The following VPS72 variants were observed in gnomAD, a reference collection of about 807,000 sequenced individuals.
VPS72 encodes vacuolar protein sorting-associated protein 72 homolog.
A neutral mutation model predicts 38.9 loss-of-function variants in VPS72; 27 were observed. The ratio of observed to expected loss-of-function variants is 0.69; its 90% confidence interval spans 0.51 to 0.96. The LOEUF (loss-of-function observed/expected upper bound fraction) is 0.96, where lower values mean the gene tolerates loss of function less well. Among genes scored for constraint, VPS72 ranks in the 40% least tolerant of loss-of-function variants. The pLI is 0.00. For synonymous variants in VPS72, 173 were observed against 186.3 expected (o/e 0.93, Z 0.58); for missense variants, 360 against 479.5 (o/e 0.75, Z 2.33).
intron 5 of VPS72, 61 bp from the exon 6 acceptor site, chr1:151,177,092 AAG>A (rs763973310): frequency 6.8e-7 from 1 of 1,479,110 alleles, no homozygotes; most frequent in Non-Finnish European, 9.0e-7. Context: ...CAGATACAGA[AAG>A]AAGGAAATCA....
chr1:151,186,121 G>C (rs1048252006), intron 1 of VPS72, among the ~76,000 whole-genome samples, 171 bp from the exon 2 acceptor site: 16 of 152,126 alleles, frequency 1.1e-4, no homozygotes, highest in Admixed American at 7.9e-4. Context: ...TTTGGCTCCA[G>C]TACCACCTCC....
chr1:151,179,179 G>A (rs587716229), intron 4 of VPS72, among the ~76,000 whole-genome samples: 1 of 152,280 alleles, frequency 6.6e-6, no homozygotes, highest in East Asian at 1.9e-4. Context: ...CTACTTGGGA[G>A]GCTGAGACAG....
chr1:151,185,527 GT>G lies in VPS72; in HGVS notation c.363del (p.Glu121AspfsTer47). On this transcript the variant is annotated frameshift_variant, in exon 3 of 6. Coordinates refer to ENST00000368892, the MANE Select transcript of VPS72 (RefSeq NM_005997.3). LOFTEE classifies it high-confidence loss of function. ...AREEKALLPL[E>X]LQDDGSDSRK... is the part of the protein sequence containing the mutation. ...TCACTGTCAGAGCCGTCATCTTGTA[GT>G]TCTAATGGCAGTAGTGCCTTCTCTT... is the stretch of plus-strand genomic sequence containing the variant. 1.2e-6 allele frequency: 2 copies of G among 1,614,150 alleles called. No homozygotes were observed. Among genetic ancestry groups the G allele is most frequent in the Middle Eastern group, 1.7e-4 (1 of 6,058 alleles).
rs1684102394 is a variant in VPS72, at chr1:151,176,564, G to A, written c.*80C>T. On this transcript the variant is annotated 3_prime_UTR_variant, in exon 6 of 6. Coordinates refer to ENST00000368892, the MANE Select transcript of VPS72 (RefSeq NM_005997.3). ...TAGGCAAAGATCAGAGATGACAAAGGGGAGAAGCAGGGAGAAGAAACGGAA... is the reference window on the plus strand; with the variant it reads ...TAGGCAAAGATCAGAGATGACAAAGAGGAGAAGCAGGGAGAAGAAACGGAA... The A allele has an allele frequency of 6.5e-7, 1 of 1,541,114 alleles. No individual in the cohort carries two copies. The highest frequency in any genetic ancestry group is 1.3e-5 in the South Asian group (1 of 79,412).
intron 4 of VPS72, among the ~76,000 whole-genome samples, chr1:151,179,616 T>A (rs1246540569): frequency 6.6e-6 from 1 of 150,858 alleles, no homozygotes; most frequent in Non-Finnish European, 1.5e-5. Context: ...AGAATCACCA[T>A]GCACGGTGGC....
At position 151,184,296 on chromosome 1, in the gene VPS72, T is replaced by G. The variant is rs766954000; in HGVS notation, c.562+21A>C. ...TGCCCCTCAGCCCCTCTACTCACTT[T>G]TTCTGAAACCACAGACTTACCCAGT... On this transcript the variant is annotated intron_variant, in intron 4 of 5. Transcript: ENST00000368892. 3 of 1,611,460 alleles carry G rather than the reference T, an allele frequency of 1.9e-6. No homozygotes were observed. The South Asian group carries it at 3.3e-5, about 18-fold the overall frequency.
chr1:151,185,916 G>C lies in VPS72; in HGVS notation c.152C>G (p.Ser51Ter). The C allele has an allele frequency of 6.2e-7, 1 of 1,614,132 alleles. No homozygotes were observed. Among genetic ancestry groups the C allele is most frequent in the Non-Finnish European group, 8.5e-7 (1 of 1,180,032 alleles). Reference sequence around the variant, plus strand: ...AGAGTCCACTTCGTCCTCTGTGTCTGACTGGTCCCCTTGATACTCATCATC... The same window carrying C: ...AGAGTCCACTTCGTCCTCTGTGTCTCACTGGTCCCCTTGATACTCATCATC... Reference protein sequence around the residue: ...SGDDEYQGDQSDTEDEVDSDF... With the variant: ...SGDDEYQGDQ Residue 51 changes from serine to a stop codon, truncating the protein, a stop_gained, in exon 2 of 6, where the codon TCA becomes TGA. Coordinates refer to ENST00000368892, the MANE Select transcript of VPS72 (RefSeq NM_005997.3). LOFTEE classifies it high-confidence loss of function.
rs139949972 is a variant in VPS72 at position 151,179,631 on chromosome 1, G to A, written c.563-1486C>T. ...AGAATCACCATGCACGGTGGCTCAC[G>A]CCTGTAATCCCAGCACTTTGGGAGG... On this transcript the variant is annotated intron_variant, in intron 4 of 5. Coordinates refer to ENST00000368892, the MANE Select transcript of VPS72 (RefSeq NM_005997.3). Among the ~76,000 whole-genome samples, 1,117 of 151,692 alleles carry A rather than the reference G, an allele frequency of 7.4e-3. 12 individuals are homozygous for A. The highest frequency in any genetic ancestry group is 0.025 in the African/African-American group (1,042 of 41,344).
In VPS72 at chr1:151,189,735, G is replaced by A. The variant is rs79384672; in HGVS notation, c.117+270C>T. Among the ~76,000 whole-genome samples the A allele has an allele frequency of 3.6e-3, 543 of 152,194 alleles. 4 individuals carry two copies. Among genetic ancestry groups the A allele is most frequent in the Middle Eastern group, 0.01 (3 of 294 alleles). On this transcript the variant is annotated intron_variant, in intron 1 of 5. Coordinates refer to ENST00000368892, the MANE Select transcript of VPS72 (RefSeq NM_005997.3). Reference sequence around the variant, plus strand: ...AAAGATGCAACCACGCAAGTATACGGTAGGTTTCTGCCGTTCTCTGTTCTC... The same window carrying A: ...AAAGATGCAACCACGCAAGTATACGATAGGTTTCTGCCGTTCTCTGTTCTC...
Position 151,177,013 on chromosome 1 carries a change from C to G in VPS72, c.726G>C (p.Ser242=), listed in dbSNP as rs202226618. ...VDIEGLDPAP[S]VSALTPHAGT... is the part of the protein sequence containing the mutation. Reference sequence around the variant, plus strand: ...CAGCATGAGGAGTCAATGCAGACACCGAGGGAGCAGGATCAAGTCTGAGGA... The same window carrying G: ...CAGCATGAGGAGTCAATGCAGACACGGAGGGAGCAGGATCAAGTCTGAGGA... Residue 242 remains serine, a synonymous_variant, in exon 6 of 6, where the codon TCG becomes TCC. Transcript: ENST00000368892. 6.4e-7 allele frequency: 1 copy of G among 1,571,662 alleles called. No homozygotes were observed. The highest frequency in any genetic ancestry group is 1.8e-5 in the Admixed American group (1 of 55,958).
chr1:151,184,209 C>A, intron 4 of VPS72, 108 bp downstream of exon 4: 1 of 1,432,502 alleles, frequency 7.0e-7, no homozygotes, highest in Non-Finnish European at 9.5e-7. Context: ...CCTTCTGATT[C>A]CATCATCCCA....
rs201076620 is a variant in VPS72 at position 151,183,246 on chromosome 1, A to AC, written c.562+1070dup. ...AGACCAGCCTGGCCAACATGGTGAA[A>AC]CCCCATCTCAACTAAAAATACAAAA... On this transcript the variant is annotated intron_variant, in intron 4 of 5. Coordinates refer to ENST00000368892, the MANE Select transcript of VPS72 (RefSeq NM_005997.3). 6.3e-3 allele frequency among the ~76,000 whole-genome samples: 956 copies of AC among 151,150 alleles called. 4 individuals are homozygous for AC. Among genetic ancestry groups the AC allele is most frequent in the Middle Eastern group, 0.01 (3 of 294 alleles).
chr1:151,189,935 T>C (rs587712719), intron 1 of VPS72, 70 bp downstream of exon 1: 9 of 1,545,622 alleles, frequency 5.8e-6, no homozygotes, highest in Middle Eastern at 1.7e-4. Flanking sequence ...TCTTCTTCTT[T>C]GTCCGGGGTT....
chr1:151,181,852 T>C (rs947012197), intron 4 of VPS72, among the ~76,000 whole-genome samples: 4 of 152,286 alleles, frequency 2.6e-5, no homozygotes, highest in African/African-American at 9.6e-5. Flanking sequence ...ACCTCCGCCA[T>C]GCCCTCCCTC....
intron 3 of VPS72, 132 bp from the exon 4 acceptor site, chr1:151,184,625 G>A (rs1323476568): frequency 2.7e-5 from 28 of 1,029,726 alleles, no homozygotes; most frequent in African/African-American, 1.9e-4. Flanking sequence ...TCGCTCTGTC[G>A]CCCAGGCTGG....
chr1:151,185,503 C>A lies in VPS72; in HGVS notation c.385+3G>T. ...GCCAATTGACCCTAACATCCCTACT[C>A]ACTGTCAGAGCCGTCATCTTGTAGT... On this transcript the variant is annotated splice_donor_region_variant and intron_variant, in intron 3 of 5. Coordinates refer to ENST00000368892, the MANE Select transcript of VPS72 (RefSeq NM_005997.3). 1.2e-6 allele frequency: 2 copies of A among 1,613,970 alleles called. No homozygotes were observed. Among genetic ancestry groups the A allele is most frequent in the Non-Finnish European group, 1.7e-6 (2 of 1,179,852 alleles).
intron 4 of VPS72, among the ~76,000 whole-genome samples, chr1:151,182,275 C>T (rs1161963239): frequency 3.3e-5 from 5 of 151,924 alleles, no homozygotes; most frequent in South Asian, 2.1e-4. Context: ...ATGATCCACC[C>T]GCCGCAGCCT....
chr1:151,180,329 A>G (rs1684212320), intron 4 of VPS72, among the ~76,000 whole-genome samples: 1 of 152,014 alleles, frequency 6.6e-6, no homozygotes, highest in African/African-American at 2.4e-5. Context: ...AAAAAAAAAA[A>G]AAGAGTACTC....
At chr1:151,182,844 G>A (rs776643881) in intron 4 of VPS72, among the ~76,000 whole-genome samples, 4 of 152,044 alleles carry the variant, frequency 2.6e-5, no homozygotes, top group Non-Finnish European at 4.4e-5. Context: ...TTTAGTGTCT[G>A]CAGGACTCTA....
Sources: allele counts gnomAD v4.1 joint callset (sites outside exome capture counted in the v4.1 genomes callset), GRCh38; gene constraint gnomAD v4.1.1; transcripts MANE v1.5; gene names NCBI Gene and HGNC (gene_info 2026-07-23, HGNC 2026-07-21).